Variants in DHCR24 observed in about 807,000 individuals in gnomAD.
The protein encoded by DHCR24 is delta(24)-sterol reductase.
A neutral mutation model predicts 61.2 loss-of-function variants in DHCR24; 28 were observed. The ratio of observed to expected loss-of-function variants is 0.46; its 90% CI spans 0.34 to 0.63. The LOEUF is 0.63. Among genes scored for constraint, DHCR24 ranks in the 20% least tolerant of loss-of-function variants. DHCR24 has a pLI of 0.01. For synonymous variants in DHCR24, 261 were observed against 275.9 expected, an observed-to-expected ratio of 0.95 and a Z score of 0.54; for missense variants, 538 against 679.1, an observed-to-expected ratio of 0.79 and a Z score of 2.31.
intron 6 of DHCR24, among the ~76,000 whole-genome samples, chr1:54,865,061 C>T (rs912048656): frequency 2.6e-5 from 4 of 152,150 alleles, no homozygotes; most frequent in Non-Finnish European, 2.9e-5. Context: ...CCCAAAGTAC[C>T]GGCCCAGGGG....
At chr1:54,867,740 C>T (rs536275351) in intron 5 of DHCR24, among the ~76,000 whole-genome samples, 8 of 152,240 alleles carry the variant, frequency 5.3e-5, no homozygotes, top group African/African-American at 1.9e-4. Flanking sequence ...TCTAGATGTC[C>T]TTGCTAGGTG....
At position 54,851,812 on chromosome 1, in the gene DHCR24, C is replaced by T. The variant is rs1023108786; in HGVS notation, c.*421G>A. Reference sequence around the variant, plus strand: ...CAGGTGACCTAATGTGGAGCCTTTTCAGGCTCCACTGCAGATGTGACGCTG... The same window carrying T: ...CAGGTGACCTAATGTGGAGCCTTTTTAGGCTCCACTGCAGATGTGACGCTG... On this transcript the variant is annotated 3_prime_UTR_variant, in exon 9 of 9. Transcript: ENST00000371269. 2 of 216,374 alleles carry T rather than the reference C, an allele frequency of 9.2e-6. No homozygotes were observed. The highest frequency in any genetic ancestry group is 2.3e-5 in the African/African-American group (1 of 43,398). 13.4% of individuals were successfully genotyped at this position (216,374 alleles called of 1,614,324 possible). A position where few individuals can be genotyped will look rare whatever the true frequency, so the allele number is the denominator to read the frequency against.
intron 6 of DHCR24, among the ~76,000 whole-genome samples, chr1:54,855,464 G>GA: frequency 6.6e-6 from 1 of 152,048 alleles, no homozygotes; most frequent in African/African-American, 2.4e-5. Context: ...GGGTGCTGGG[G>GA]AACCAAGATA....
intron 7 of DHCR24, 78 bp from the exon 8 acceptor site, chr1:54,853,690 A>G: frequency 2.0e-6 from 3 of 1,478,520 alleles, no homozygotes; most frequent in South Asian, 2.4e-5. Context: ...GCTCATACCC[A>G]CCCAAATGAA....
chr1:54,880,821 T>A (rs1190201223), intron 2 of DHCR24, among the ~76,000 whole-genome samples: 1 of 151,172 alleles, frequency 6.6e-6, no homozygotes, highest in Non-Finnish European at 1.5e-5. Context: ...CCACAATGCA[T>A]AAAAGAAGAA....
chr1:54,883,581 C>T lies in DHCR24; in HGVS notation c.387+37G>A. On this transcript the variant is annotated intron_variant, in intron 2 of 8. Transcript: ENST00000371269. The surrounding 1 kb of genome is among the most constrained non-coding windows in gnomAD (Gnocchi z 4.3). ...GTCACTTGCACCAGGGGCAGTGCCC[C>T]ACCTGCTCCCAGAGCCCGGAAAAGT... 1.9e-6 allele frequency: 3 copies of T among 1,613,808 alleles called. No homozygotes were observed. Among genetic ancestry groups the T allele is most frequent in the Non-Finnish European group, 8.5e-7 (1 of 1,179,790 alleles).
In DHCR24 at chr1:54,883,691, C is replaced by G. The variant is rs1647076773; in HGVS notation, c.314G>C (p.Gly105Ala). Residue 105 changes from glycine (G) to alanine (A), a missense_variant, in exon 2 of 9, where the codon GGG becomes GCG. Coordinates refer to ENST00000371269, the MANE Select transcript of DHCR24 (RefSeq NM_014762.4). This position sits in a 1 kb window ranked among gnomAD's most constrained non-coding sequence, Gnocchi z 4.3. ...PGWLTVSLRV[G>A]KYKKTHKNIM... ...GTTTTTGTGTGTCTTCTTGTACTTC[C>G]CGACACGTAGTGAGACAGTGAGCCA... The G allele has an allele frequency of 1.2e-6, 2 of 1,614,190 alleles. No homozygotes were observed. The highest frequency in any genetic ancestry group is 1.7e-6 in the Non-Finnish European group (2 of 1,180,042).
At chr1:54,881,127 G>A (rs939374968) in intron 2 of DHCR24, among the ~76,000 whole-genome samples, 1 of 152,230 alleles carries the variant, frequency 6.6e-6, no homozygotes, top group African/African-American at 2.4e-5. Context: ...TCTAGCCAGG[G>A]CGACAGAGTG....
chr1:54,852,558 C>T (rs1646881891), intron 8 of DHCR24, among the ~76,000 whole-genome samples, 172 bp from the exon 9 acceptor site: 1 of 152,154 alleles, frequency 6.6e-6, no homozygotes, highest in South Asian at 2.1e-4. Flanking sequence ...CCCCCTTTTG[C>T]AGGTAGGGAA....
intron 6 of DHCR24, among the ~76,000 whole-genome samples, chr1:54,855,266 C>A (rs1040212505): frequency 4.6e-5 from 7 of 151,946 alleles, no homozygotes; most frequent in Non-Finnish European, 8.8e-5. Flanking sequence ...TGGTGGCGGG[C>A]GCCTGTAGTC....
intron 4 of DHCR24, 108 bp downstream of exon 4, chr1:54,874,985 T>G: frequency 1.0e-6 from 1 of 953,370 alleles, no homozygotes; most frequent in Non-Finnish European, 1.7e-6. Flanking sequence ...AGACCCAGAC[T>G]GAACAGGTAC....
chr1:54,865,847 G>A (rs1646965557), intron 5 of DHCR24, among the ~76,000 whole-genome samples: 1 of 144,624 alleles, frequency 6.9e-6, no homozygotes, highest in Non-Finnish European at 1.5e-5. Context: ...CTCTGGGAAT[G>A]GGTCAGCCCC....
rs547485781 is a variant in DHCR24, at chr1:54,864,314, C to T, written c.1020+989G>A. Among the ~76,000 whole-genome samples the T allele has an allele frequency of 2.0e-5, 3 of 152,294 alleles. No homozygotes were observed. In the South Asian group the frequency reaches 6.2e-4, roughly 32 times the overall value. ...TTGAAACAACCCACATGTCCATCAA[C>T]AGATGAGTGACAAAACAAAATGTGG... On this transcript the variant is annotated intron_variant, in intron 6 of 8. Transcript: ENST00000371269.
rs573652292 is a variant in DHCR24 at position 54,854,337 on chromosome 1, A to G, written c.1021-103T>C. The G allele has an allele frequency of 3.3e-5, 31 of 950,302 alleles. No homozygotes were observed. In the African/African-American group the frequency reaches 4.4e-4, roughly 13 times the overall value. 58.9% of individuals were successfully genotyped at this position (950,302 alleles called of 1,614,324 possible). On this transcript the variant is annotated intron_variant, in intron 6 of 8. Coordinates refer to ENST00000371269, the MANE Select transcript of DHCR24 (RefSeq NM_014762.4). ...CAGGTCCCATTCTGTGCTTGACAGA[A>G]GCACGCCTGAGTCCAATTCCCCTCT...
intron 5 of DHCR24, among the ~76,000 whole-genome samples, chr1:54,867,631 T>C (rs776864695): frequency 3.7e-4 from 57 of 152,116 alleles, no homozygotes; most frequent in Non-Finnish European, 1.3e-4. Flanking sequence ...CCACTTTGGG[T>C]ACAGTGGGGG....
chr1:54,883,815 T>C lies in DHCR24; in HGVS notation c.232-42A>G. Reference sequence around the variant, plus strand: ...GAGGGTGAGCTGGCCCCACTGGGAATCCCCAGAGCAGCCTGCAGCCCTGCT... The same window carrying C: ...GAGGGTGAGCTGGCCCCACTGGGAACCCCCAGAGCAGCCTGCAGCCCTGCT... On this transcript the variant is annotated intron_variant, in intron 1 of 8. Coordinates refer to ENST00000371269, the MANE Select transcript of DHCR24 (RefSeq NM_014762.4). The surrounding 1 kb of genome is among the most constrained non-coding windows in gnomAD (Gnocchi z 4.3). The C allele has an allele frequency of 1.9e-6, 3 of 1,612,856 alleles. No homozygotes were observed. Among genetic ancestry groups the C allele is most frequent in the Non-Finnish European group, 2.5e-6 (3 of 1,179,918 alleles).
At position 54,853,531 on chromosome 1, in the gene DHCR24, A is replaced by G; in HGVS notation, c.1300T>C (p.Tyr434His). Residue 434 changes from tyrosine to histidine, a missense_variant, in exon 8 of 9, where the codon TAC (tyrosine) becomes CAC (histidine). Physicochemically the swap from Tyr to His is moderately conservative, Grantham distance 83. Coordinates refer to ENST00000371269, the MANE Select transcript of DHCR24 (RefSeq NM_014762.4). ...VHPKGNEAELYIDIGAYGEPR... is the reference protein window; with the variant it reads ...VHPKGNEAELHIDIGAYGEPR... ...TCCCCATATGCTCCAATGTCGATGT[A>G]GAGCTCTGCCTCATTTCCTTTGGGG... The G allele has an allele frequency of 6.2e-7, 1 of 1,614,208 alleles. No individual in the cohort carries two copies. The highest frequency in any genetic ancestry group is 8.5e-7 in the Non-Finnish European group (1 of 1,180,034).
intron 1 of DHCR24, among the ~76,000 whole-genome samples, chr1:54,886,031 G>A (rs940929148): frequency 6.6e-6 from 1 of 152,196 alleles, no homozygotes; most frequent in African/African-American, 2.4e-5. Context: ...AGCACCCAGC[G>A]CGGAGCAAGC....
intron 6 of DHCR24, among the ~76,000 whole-genome samples, chr1:54,858,130 T>C (rs562038224): frequency 6.4e-4 from 97 of 152,396 alleles, no homozygotes; most frequent in African/African-American, 2.2e-3. Context: ...CTGTAGAGGA[T>C]GCTGCGCGCA....
Sources: gnomAD v4.1 joint callset for allele counts (sites outside exome capture counted in the v4.1 genomes callset) on GRCh38, gnomAD v4.1.1 for gene constraint, Gnocchi (gnomAD v3.1) non-coding constraint, MANE v1.5 for transcripts, NCBI Gene and HGNC (gene_info 2026-07-23, HGNC 2026-07-21) for gene names.